SPATA1: variants seen among roughly 807,000 people sequenced by gnomAD.
The protein encoded by SPATA1 is spermatogenesis-associated protein 1.
Under a neutral mutation model 59.6 loss-of-function variants are expected in SPATA1, and 57 were observed. The observed-to-expected ratio is 0.96, with a 90% CI of 0.77 to 1.19. SPATA1 has a LOEUF of 1.19. SPATA1 is among the 50% of genes most tolerant of loss of function. The probability of loss-of-function intolerance (pLI) is 0.00; values close to 1 mark genes in which losing one functional copy is unlikely to be tolerated. For missense variants in SPATA1, 448 were observed against 480.7 expected (o/e 0.93, Z 0.64); for synonymous variants, 147 against 163.9 (o/e 0.90, Z 0.79).
intron 6 of SPATA1, chr1:84,527,562 C>G (rs1441593645): frequency 6.6e-6 from 1 of 151,858 alleles, no homozygotes; most frequent in Admixed American, 6.6e-5. Context: ...TATATTTTTA[C>G]TTTTCAGAAA....
At chr1:84,536,931 G>C (rs1295242523) in intron 8 of SPATA1, among the ~76,000 whole-genome samples, 2 of 143,764 alleles carry the variant, frequency 1.4e-5, no homozygotes, top group African/African-American at 5.2e-5. Flanking sequence ...CTAGGCTAGA[G>C]TGCAGTGACA....
intron 1 of SPATA1, chr1:84,506,724 C>G: frequency 6.5e-6 from 1 of 152,800 alleles, no homozygotes; most frequent in Non-Finnish European, 1.5e-5. Context: ...CCCAGCCCCG[C>G]TGACCCGAGG....
At chr1:84,537,546 A>G (rs1033224218) in intron 8 of SPATA1, among the ~76,000 whole-genome samples, 3 of 152,200 alleles carry the variant, frequency 2.0e-5, no homozygotes, top group Non-Finnish European at 4.4e-5. Flanking sequence ...AGTGAAGGGG[A>G]GGCCAGGTAT....
At chr1:84,511,910 G>A (rs573510853) in intron 1 of SPATA1, among the ~76,000 whole-genome samples, 39 of 152,068 alleles carry the variant, frequency 2.6e-4, no homozygotes, top group East Asian at 1.7e-3. Flanking sequence ...TCAAACTCCC[G>A]ACCTCAGGGG....
intron 1 of SPATA1, among the ~76,000 whole-genome samples, chr1:84,512,722 C>T (rs547489311): frequency 2.7e-4 from 41 of 152,346 alleles, no homozygotes; most frequent in Non-Finnish European, 5.0e-4. Flanking sequence ...GTTACTCCTT[C>T]TCAAACCCAT....
intron 8 of SPATA1, among the ~76,000 whole-genome samples, chr1:84,539,808 CTA>C (rs1361611528): frequency 6.6e-6 from 1 of 152,126 alleles, no homozygotes; most frequent in Non-Finnish European, 1.5e-5. Context: ...TCCACATTCT[CTA>C]TGTCTCGGAC....
intron 6 of SPATA1, among the ~76,000 whole-genome samples, chr1:84,529,163 T>A (rs904766381): frequency 5.3e-5 from 8 of 152,146 alleles, no homozygotes; most frequent in Non-Finnish European, 1.0e-4. Context: ...AAATTGGATA[T>A]CATATGTGAA....
At chr1:84,562,887 AC>A (rs1380174261) in intron 4 of SPATA1, among the ~76,000 whole-genome samples, 1 of 152,164 alleles carries the variant, frequency 6.6e-6, no homozygotes, top group East Asian at 1.9e-4. Flanking sequence ...TCTGTAGGCC[AC>A]TTTGAAATGG....
At chr1:84,562,919 T>C (rs890761641) in intron 4 of SPATA1, among the ~76,000 whole-genome samples, 2 of 152,176 alleles carry the variant, frequency 1.3e-5, no homozygotes. Flanking sequence ...AGATAGTAAC[T>C]TATTTTGGCC....
At chr1:84,553,182 T>C (rs1001964304) in exon 13 of SPATA1, 12 of 988,966 alleles carry the variant, frequency 1.2e-5, no homozygotes, top group Admixed American at 9.9e-5. Context: ...TTGAACAGAT[T>C]TGTTTAACCA....
At chr1:84,534,030 T>G (rs148431739) in intron 8 of SPATA1, among the ~76,000 whole-genome samples, 2 of 152,224 alleles carry the variant, frequency 1.3e-5, no homozygotes, top group Admixed American at 1.3e-4. Flanking sequence ...TACATCAAAC[T>G]ATACTTAACT....
intron 3 of SPATA1, among the ~76,000 whole-genome samples, chr1:84,520,942 G>A (rs982469434): frequency 6.6e-6 from 1 of 151,944 alleles, no homozygotes; most frequent in South Asian, 2.1e-4. Flanking sequence ...TATTATTATG[G>A]TTATACACAA....
intron 7 of SPATA1, among the ~76,000 whole-genome samples, chr1:84,533,254 AT>A (rs1448148197): frequency 6.6e-6 from 1 of 152,076 alleles, no homozygotes; most frequent in Non-Finnish European, 1.5e-5. Context: ...GTTTCCCTTC[AT>A]TAGAACTAAT....
In SPATA1 at chr1:84,520,710, T is replaced by C; in HGVS notation, c.143+19T>C. 1 of 1,404,476 alleles carries C rather than the reference T, an allele frequency of 7.1e-7. No individual in the cohort carries two copies. The highest frequency in any genetic ancestry group is 9.7e-7 in the Non-Finnish European group (1 of 1,028,598). 87.0% of individuals were successfully genotyped at this position (1,404,476 alleles called of 1,614,324 possible). A position where few individuals can be genotyped will look rare whatever the true frequency, so the allele number is the denominator to read the frequency against. On this transcript the variant is annotated intron_variant, in intron 3 of 12. Transcript: ENST00000490879. ...TTCTAAGGCAAGTGTTGTGTAGTCATGTAACAATATGCCTGAAAGAAGAAT... is the reference window on the plus strand; with the variant it reads ...TTCTAAGGCAAGTGTTGTGTAGTCACGTAACAATATGCCTGAAAGAAGAAT...
chr1:84,525,934 G>C (rs1296278158), exon 6 of SPATA1: 1 of 1,613,598 alleles, frequency 6.2e-7, no homozygotes, highest in South Asian at 1.1e-5. Context: ...ATGAGCGGCA[G>C]ACTAATAATG....
At chr1:84,523,406 A>G (rs970656311) in intron 4 of SPATA1, among the ~76,000 whole-genome samples, 1 of 152,176 alleles carries the variant, frequency 6.6e-6, no homozygotes, top group African/African-American at 2.4e-5. Flanking sequence ...AAAATGCAGC[A>G]TATTCTTATT....
At chr1:84,562,847 T>C (rs1684619547) in intron 4 of SPATA1, among the ~76,000 whole-genome samples, 1 of 152,214 alleles carries the variant, frequency 6.6e-6, no homozygotes, top group Admixed American at 6.5e-5. Context: ...GTTCTCAGCC[T>C]CATTCCTCCC....
At chr1:84,533,128 GT>G (rs1196971320) in intron 7 of SPATA1, among the ~76,000 whole-genome samples, 154 bp downstream of exon 7, 6 of 152,064 alleles carry the variant, frequency 3.9e-5, no homozygotes, top group African/African-American at 1.4e-4. Context: ...GATCTTTACT[GT>G]TTTTTGCTAA....
intron 2 of SPATA1, among the ~76,000 whole-genome samples, chr1:84,518,609 G>A (rs1437780544): frequency 6.6e-6 from 1 of 151,872 alleles, no homozygotes; most frequent in African/African-American, 2.4e-5. Flanking sequence ...GGTGCTGTAT[G>A]TTTCCCCTCT....
Sources: allele counts gnomAD v4.1 joint callset (sites outside exome capture counted in the v4.1 genomes callset), GRCh38; gene constraint gnomAD v4.1.1; transcripts MANE v1.5; gene names NCBI Gene and HGNC (gene_info 2026-07-23, HGNC 2026-07-21).